EIF3L: variants seen among roughly 807,000 people sequenced by gnomAD.
The protein encoded by EIF3L is eukaryotic translation initiation factor 3 subunit L.
In EIF3L, 32 loss-of-function variants were observed where a neutral mutation model predicts 74.6. That is an observed-to-expected ratio of 0.43 (90% CI 0.32 to 0.58). EIF3L has a LOEUF of 0.58. Among genes scored for constraint, EIF3L ranks in the 20% least tolerant of loss-of-function variants. EIF3L has a pLI of 0.06. For synonymous variants in EIF3L, 256 were observed against 254.4 expected (o/e 1.01, Z -0.06); for missense variants, 474 against 707.8 (o/e 0.67, Z 3.75).
At chr22:37,862,070 A>G (rs1209816683) in intron 5 of EIF3L, among the ~76,000 whole-genome samples, 1 of 152,220 alleles carries the variant, frequency 6.6e-6, no homozygotes, top group Non-Finnish European at 1.5e-5. Flanking sequence ...TCCTGGCCTC[A>G]GGTGATCAGC....
intron 8 of EIF3L, among the ~76,000 whole-genome samples, chr22:37,870,634 G>A (rs1049818827): frequency 6.6e-6 from 1 of 152,174 alleles, no homozygotes; most frequent in Admixed American, 6.6e-5. Context: ...CTTCTCACAC[G>A]TGTTGGTGTC....
At chr22:37,875,379 GA>G (rs958806328) in intron 9 of EIF3L, among the ~76,000 whole-genome samples, 40 of 141,998 alleles carry the variant, frequency 2.8e-4, no homozygotes, top group South Asian at 4.5e-4. Flanking sequence ...CTCTGTCCCA[GA>G]AAAAAAAAAA....
chr22:37,865,633 G>A (rs895455118), intron 7 of EIF3L, among the ~76,000 whole-genome samples: 33 of 152,146 alleles, frequency 2.2e-4, no homozygotes, highest in African/African-American at 7.5e-4. Context: ...GTGCTGAACC[G>A]TTACGAGTGG....
intron 12 of EIF3L, 32 bp from the exon 13 acceptor site, chr22:37,888,394 C>T (rs370889512): frequency 3.1e-5 from 50 of 1,612,750 alleles, no homozygotes; most frequent in South Asian, 9.9e-5. Context: ...GGGAAATCCC[C>T]GTATGTAACT....
intron 12 of EIF3L, 67 bp from the exon 13 acceptor site, chr22:37,888,359 C>A (rs1218989477): frequency 2.6e-6 from 4 of 1,556,192 alleles, no homozygotes; most frequent in African/African-American, 1.4e-5. Flanking sequence ...ACCTAGTGAT[C>A]ATACACACTG....
intron 3 of EIF3L, among the ~76,000 whole-genome samples, chr22:37,851,880 C>T (rs531003055): frequency 6.6e-6 from 1 of 152,050 alleles, no homozygotes; most frequent in South Asian, 2.1e-4. Context: ...GTTGGCCAGG[C>T]GTGTGTTGAA....
Position 37,855,632 on chromosome 22 carries a change from C to G in EIF3L, c.361C>G (p.Gln121Glu). 6.2e-7 allele frequency: 1 copy of G among 1,614,128 alleles called. No homozygotes were observed. The highest frequency in any genetic ancestry group is 8.5e-7 in the Non-Finnish European group (1 of 1,179,968). Residue 121 changes from glutamine (Q) to glutamate (E), a missense_variant, in exon 4 of 13, where the codon CAG becomes GAG. Gln to Glu is a conservative substitution (Grantham distance 29). Around this residue, in one of 4 missense-constraint regions of EIF3L, gnomAD observed 141 missense variants for 197.7 expected, o/e 0.71. Transcript: ENST00000652021. ...PWPEAEAIAP[Q>E]VGNDAVFLIL... ...GCCCGAGGCTGAAGCCATTGCTCCA[C>G]AGGTTGGCAATGGTAGGTGTGAGCT...
In EIF3L at chr22:37,877,931, G is replaced by A. The variant is rs1037860278; in HGVS notation, c.1335G>A (p.Lys445=). The A allele has an allele frequency of 5.6e-6, 9 of 1,612,468 alleles. No homozygotes were observed. Among genetic ancestry groups the A allele is most frequent in the African/African-American group, 4.0e-5 (3 of 74,866 alleles). Residue 445 remains lysine, a synonymous_variant, in exon 11 of 13, where the codon AAG becomes AAA. Coordinates refer to ENST00000652021, the MANE Select transcript of EIF3L (RefSeq NM_016091.4). ...AAGAGCCCTTCCTGCAGCAGCTGAA[G>A]GTGTTTTCTGATGAAGTACAGCAGC... ...YHKEPFLQQL[K]VFSDEVQQQA...
intron 5 of EIF3L, 109 bp from the exon 6 acceptor site, chr22:37,862,860 G>GGACA: frequency 1.3e-6 from 1 of 797,938 alleles, no homozygotes; most frequent in Non-Finnish European, 2.0e-6. Context: ...AAGAAAGAGA[G>GGACA]GACAGATACC....
intron 10 of EIF3L, chr22:37,877,357 A>G (rs1480042777): frequency 3.4e-6 from 1 of 293,016 alleles, no homozygotes; most frequent in Non-Finnish European, 6.4e-6. Context: ...TCAAGGTTGC[A>G]TCAAAGGTTT....
chr22:37,851,722 G>A (rs1601750846), intron 3 of EIF3L, among the ~76,000 whole-genome samples: 1 of 152,164 alleles, frequency 6.6e-6, no homozygotes, highest in Non-Finnish European at 1.5e-5. Context: ...CTGGAGTGCA[G>A]TGGCAAGATC....
intron 1 of EIF3L, 28 bp from the exon 2 acceptor site, chr22:37,849,987 G>A (rs1348141923): frequency 6.2e-7 from 1 of 1,613,504 alleles, no homozygotes; most frequent in South Asian, 1.1e-5. Flanking sequence ...CTTGGCGGCT[G>A]TCCTTGACTG....
intron 3 of EIF3L, among the ~76,000 whole-genome samples, chr22:37,852,367 CT>C (rs1925274319): frequency 6.6e-6 from 1 of 152,166 alleles, no homozygotes; most frequent in South Asian, 2.1e-4. Context: ...CCTGCAGTGT[CT>C]GGCACCAAAG....
intron 7 of EIF3L, among the ~76,000 whole-genome samples, chr22:37,869,888 G>A (rs1926380805): frequency 6.6e-6 from 1 of 152,116 alleles, no homozygotes; most frequent in Admixed American, 6.6e-5. Flanking sequence ...AAGTGACTTT[G>A]GGTTGTGTTT....
intron 3 of EIF3L, among the ~76,000 whole-genome samples, chr22:37,853,871 A>G (rs1925358498): frequency 6.6e-6 from 1 of 152,214 alleles, no homozygotes; most frequent in Admixed American, 6.5e-5. Flanking sequence ...TTGAATCTTC[A>G]AATAGTAGAG....
intron 9 of EIF3L, among the ~76,000 whole-genome samples, chr22:37,874,895 A>ATTTTTTTTTTTTTTTTTTT (rs35994639): frequency 1.8e-5 from 2 of 113,490 alleles, no homozygotes; most frequent in Non-Finnish European, 3.6e-5. Flanking sequence ...TGCCCAGCTA[A>ATTTTTTTTTTTTTTTTTTT]TTTTTTTTTT....
chr22:37,861,211 A>G (rs954656542), intron 5 of EIF3L, among the ~76,000 whole-genome samples: 3 of 152,234 alleles, frequency 2.0e-5, no homozygotes, highest in South Asian at 2.1e-4. Context: ...AGGAGGTCCT[A>G]GTTTCTCACA....
intron 11 of EIF3L, chr22:37,881,781 G>A (rs1182284371): frequency 6.6e-6 from 1 of 152,092 alleles, no homozygotes; most frequent in African/African-American, 2.4e-5. Context: ...TCTTAGAATG[G>A]TTTCTTTTTT....
chr22:37,865,114 T>C (rs1926078649), intron 7 of EIF3L, among the ~76,000 whole-genome samples: 3 of 152,128 alleles, frequency 2.0e-5, no homozygotes, highest in South Asian at 2.1e-4. Context: ...CCCAGCATTT[T>C]TGGGGTCCAA....
Sources: gnomAD v4.1 joint callset for allele counts (sites outside exome capture counted in the v4.1 genomes callset) on GRCh38, gnomAD v4.1.1 for gene constraint, gnomAD v4.1.1 regional missense constraint, MANE v1.5 for transcripts, NCBI Gene and HGNC (gene_info 2026-07-23, HGNC 2026-07-21) for gene names.